The following SIAH3 variants were observed in gnomAD, a reference collection of about 807,000 sequenced individuals.
SIAH3 encodes the protein seven in absentia homolog 3.
SIAH3 carries 9 observed loss-of-function variants against 12.6 expected under a neutral mutation model. The ratio of observed to expected loss-of-function variants is 0.72; its 90% confidence interval spans 0.43 to 1.25. SIAH3 has a LOEUF of 1.25. Among genes scored for constraint, SIAH3 ranks in the 50% most tolerant of loss-of-function variants. The probability of loss-of-function intolerance (pLI) is 0.00; values close to 1 mark genes in which losing one functional copy is unlikely to be tolerated. For synonymous variants in SIAH3, 154 were observed against 151.1 expected (o/e 1.02, Z -0.14); for missense variants, 390 against 365.4 (o/e 1.07, Z -0.55).
chr13:45,782,897 A>G lies in SIAH3; in HGVS notation c.*486T>C, dbSNP rs530111547. 6.6e-6 allele frequency: 1 copy of G among 152,596 alleles called. No homozygotes were observed. The highest frequency in any genetic ancestry group is 2.4e-5 in the African/African-American group (1 of 41,548). 9.5% of individuals were successfully genotyped at this position (152,596 alleles called of 1,614,324 possible). On this transcript the variant is annotated 3_prime_UTR_variant, in exon 2 of 2. Transcript: ENST00000400405. ...TCAGAGTCATGTCTGGATGGTCTGA[A>G]ATGTGATCCATCTCTGAGCTGGGCC...
chr13:45,797,078 G>A (rs1950565335), intron 1 of SIAH3, among the ~76,000 whole-genome samples: 1 of 151,390 alleles, frequency 6.6e-6, no homozygotes, highest in Admixed American at 6.6e-5. Context: ...TAAGGAACAA[G>A]TTTATTAGTG....
intron 1 of SIAH3, among the ~76,000 whole-genome samples, chr13:45,815,266 C>T (rs1319895552): frequency 2.6e-5 from 4 of 151,908 alleles, no homozygotes; most frequent in Non-Finnish European, 4.4e-5. Context: ...ATGAGGTGAA[C>T]ATTTAAGTCA....
intron 1 of SIAH3, among the ~76,000 whole-genome samples, chr13:45,823,588 G>C (rs143748727): frequency 2.6e-5 from 4 of 152,222 alleles, no homozygotes; most frequent in Admixed American, 2.0e-4. Context: ...CTCAGCCCTA[G>C]AGAACTCCAT....
intron 1 of SIAH3, among the ~76,000 whole-genome samples, chr13:45,845,151 G>A: frequency 6.6e-6 from 1 of 150,788 alleles, no homozygotes; most frequent in East Asian, 1.9e-4. Context: ...TATACATTGT[G>A]TAGAGACTTT....
At position 45,783,911 on chromosome 13, in the gene SIAH3, C is replaced by T. The variant is rs760708304; in HGVS notation, c.282G>A (p.Glu94=). Residue 94 remains glutamate, a synonymous_variant, in exon 2 of 2, where the codon GAG becomes GAA. Coordinates refer to ENST00000400405, the MANE Select transcript of SIAH3 (RefSeq NM_198849.3). ...TCACCGGGTTGGCGTGCAGCCCCGC[C>T]TCCTGGTGGTGAAGGTGGTGGGGGT... The part of the protein sequence containing the change: ...HAHPHHLHHQ[E]AGLHANPVTP... 4.0e-5 allele frequency: 64 copies of T among 1,611,118 alleles called. 2 individuals are homozygous for T. The South Asian group carries it at 4.1e-4, about 10-fold the overall frequency.
At chr13:45,837,635 T>C (rs1324902463) in intron 1 of SIAH3, among the ~76,000 whole-genome samples, 3 of 151,412 alleles carry the variant, frequency 2.0e-5, no homozygotes, top group Admixed American at 2.0e-4. Context: ...GAAGAAGGAA[T>C]GCATGCAGGC....
intron 1 of SIAH3, among the ~76,000 whole-genome samples, chr13:45,826,872 T>C (rs1240124711): frequency 2.0e-5 from 3 of 152,082 alleles, no homozygotes; most frequent in African/African-American, 7.2e-5. Context: ...CATTTCCAGA[T>C]TGACACCCAG....
In SIAH3 at chr13:45,851,611, A is replaced by G. The variant is rs1254351909; in HGVS notation, c.19T>C (p.Cys7Arg). Reference protein sequence around the residue: MLFFTQCFGAVLDLIHL... With the variant: MLFFTQRFGAVLDLIHL... ...ATGAGATCTAATACAGCCCCAAAGCACTGGGTAAAGAAAAGCATCACAACT... is the reference window on the plus strand; with the variant it reads ...ATGAGATCTAATACAGCCCCAAAGCGCTGGGTAAAGAAAAGCATCACAACT... Residue 7 changes from cysteine (C) to arginine (R), a missense_variant, in exon 1 of 2, where the codon TGC becomes CGC. Cys to Arg is a radical substitution (Grantham distance 180, BLOSUM62 -3). Transcript: ENST00000400405. The G allele has an allele frequency of 6.2e-7, 1 of 1,614,204 alleles. No individual in the cohort carries two copies. Among genetic ancestry groups the G allele is most frequent in the Non-Finnish European group, 8.5e-7 (1 of 1,180,034 alleles).
chr13:45,834,689 C>T (rs900680846), intron 1 of SIAH3, among the ~76,000 whole-genome samples: 2 of 152,124 alleles, frequency 1.3e-5, no homozygotes, highest in Admixed American at 6.5e-5. Context: ...GCCCGCAAAC[C>T]GACCTACTGT....
intron 1 of SIAH3, among the ~76,000 whole-genome samples, chr13:45,809,776 C>G (rs1377870460): frequency 6.6e-6 from 1 of 152,172 alleles, no homozygotes; most frequent in Non-Finnish European, 1.5e-5. Context: ...GGTGGAATTA[C>G]AGGCAGTTTT....
chr13:45,777,273 G>T lies in SIAH3; in HGVS notation c.*6110C>A, dbSNP rs1025066883. The T allele has an allele frequency of 5.9e-5, 9 of 152,146 alleles. No homozygotes were observed. The highest frequency in any genetic ancestry group is 2.0e-4 in the Admixed American group (3 of 15,272). 9.4% of individuals were successfully genotyped at this position (152,146 alleles called of 1,614,324 possible). A position where few individuals can be genotyped will look rare whatever the true frequency, so the allele number is the denominator to read the frequency against. On this transcript the variant is annotated 3_prime_UTR_variant, in exon 2 of 2. Coordinates refer to ENST00000400405, the MANE Select transcript of SIAH3 (RefSeq NM_198849.3). ...GAAACAATATCAAATGCAATTTAAT[G>T]ACATTTTCTATGAGAGGGCAGAGAT...
At position 45,800,871 on chromosome 13, in the gene SIAH3, G is replaced by C. The variant is rs117775865; in HGVS notation, c.136-16814C>G. Among the ~76,000 whole-genome samples the C allele has an allele frequency of 1.8e-3, 276 of 152,284 alleles. 1 individual carries two copies. The highest frequency in any genetic ancestry group is 2.9e-3 in the Non-Finnish European group (199 of 68,022). Reference sequence around the variant, plus strand: ...CAAGGGCTTCCATGGGCACTGAATTGGTAATGAGATAGAACATCGTCTTTG... The same window carrying C: ...CAAGGGCTTCCATGGGCACTGAATTCGTAATGAGATAGAACATCGTCTTTG... On this transcript the variant is annotated intron_variant, in intron 1 of 1. Coordinates refer to ENST00000400405, the MANE Select transcript of SIAH3 (RefSeq NM_198849.3).
intron 1 of SIAH3, among the ~76,000 whole-genome samples, chr13:45,825,495 G>T (rs1220080038): frequency 6.6e-6 from 1 of 152,046 alleles, no homozygotes; most frequent in African/African-American, 2.4e-5. Context: ...CCTGCCTGGG[G>T]TGTGTGCTTA....
chr13:45,801,237 T>G (rs1950581476), intron 1 of SIAH3, among the ~76,000 whole-genome samples: 1 of 152,150 alleles, frequency 6.6e-6, no homozygotes, highest in Non-Finnish European at 1.5e-5. Context: ...CCAAATGGCT[T>G]GAATTGCAGG....
chr13:45,815,461 T>C (rs76601441), intron 1 of SIAH3, among the ~76,000 whole-genome samples: 3,999 of 152,296 alleles, frequency 0.026, 161 homozygotes, highest in African/African-American at 0.092. Flanking sequence ...TGCCTGCCTG[T>C]TCTGTGGACT....
At position 45,780,841 on chromosome 13, in the gene SIAH3, T is replaced by C. The variant is rs1438674372; in HGVS notation, c.*2542A>G. On this transcript the variant is annotated 3_prime_UTR_variant, in exon 2 of 2. Coordinates refer to ENST00000400405, the MANE Select transcript of SIAH3 (RefSeq NM_198849.3). ...TAGAACCTCTATTCTGTTAGTATAT[T>C]GAGGATACTAATGAGGATTAACCTG... 1 of 152,218 alleles carries C rather than the reference T, an allele frequency of 6.6e-6. No homozygotes were observed. The highest frequency in any genetic ancestry group is 1.5e-5 in the Non-Finnish European group (1 of 68,036). The allele number at this position is 152,218 out of a possible 1,614,324, so 9.4% of individuals were successfully genotyped here.
chr13:45,789,901 T>C (rs1950540632), intron 1 of SIAH3, among the ~76,000 whole-genome samples: 1 of 152,176 alleles, frequency 6.6e-6, no homozygotes, highest in South Asian at 2.1e-4. Context: ...AATGTTTTGG[T>C]TGGTGAAATT....
intron 1 of SIAH3, among the ~76,000 whole-genome samples, chr13:45,797,703 G>A (rs1350964834): frequency 6.6e-6 from 1 of 152,166 alleles, no homozygotes; most frequent in Non-Finnish European, 1.5e-5. Context: ...AGCTCTCAAG[G>A]ATGTCAGAGC....
intron 1 of SIAH3, among the ~76,000 whole-genome samples, chr13:45,827,980 TAAC>T (rs778058008): frequency 4.6e-5 from 7 of 152,198 alleles, no homozygotes; most frequent in Non-Finnish European, 7.3e-5. Flanking sequence ...TCTTAAATTT[TAAC>T]AACGAGGCCC....
Sources: gnomAD v4.1 joint callset for allele counts (sites outside exome capture counted in the v4.1 genomes callset) on GRCh38, gnomAD v4.1.1 for gene constraint, MANE v1.5 for transcripts, NCBI Gene and HGNC (gene_info 2026-07-23, HGNC 2026-07-21) for gene names.